The following ARID4A variants were observed in gnomAD, a reference collection of about 807,000 sequenced individuals.
ARID4A encodes AT-rich interactive domain-containing protein 4A.
In ARID4A, 39 loss-of-function variants were observed where a neutral mutation model predicts 148.6. The ratio of observed to expected loss-of-function variants is 0.26; its 90% CI spans 0.20 to 0.34. ARID4A has a LOEUF of 0.34. Ranked by LOEUF, ARID4A falls within the 10% of genes least tolerant of loss-of-function variation. ARID4A has a pLI of 1.00. For synonymous variants in ARID4A, 475 were observed against 481.2 expected (o/e 0.99, Z 0.17); for missense variants, 1,265 against 1,449.1 (o/e 0.87, Z 2.06).
chr14:58,320,436 T>C (rs1189554319), intron 7 of ARID4A, among the ~76,000 whole-genome samples: 1 of 152,114 alleles, frequency 6.6e-6, no homozygotes, highest in Non-Finnish European at 1.5e-5. Flanking sequence ...TGGTTAATAT[T>C]TCAAACTTTG....
intron 23 of ARID4A, chr14:58,370,171 C>T (rs894732947): frequency 5.3e-5 from 8 of 152,316 alleles, no homozygotes; most frequent in Middle Eastern, 6.8e-3. Context: ...AGCAAGAAGT[C>T]TTTACAGAAC....
intron 11 of ARID4A, among the ~76,000 whole-genome samples, chr14:58,340,852 A>G (rs1024287531): frequency 1.3e-5 from 2 of 152,210 alleles, no homozygotes; most frequent in African/African-American, 4.8e-5. Flanking sequence ...TTGCATTTAT[A>G]TTATCATAAA....
intron 5 of ARID4A, among the ~76,000 whole-genome samples, chr14:58,314,638 A>T (rs2032284349): frequency 6.6e-6 from 1 of 151,940 alleles, no homozygotes; most frequent in Non-Finnish European, 1.5e-5. Context: ...TGTGTTAGCC[A>T]GGCTGGTCTC....
intron 11 of ARID4A, among the ~76,000 whole-genome samples, chr14:58,340,287 G>A (rs890302923): frequency 9.9e-5 from 15 of 151,110 alleles, no homozygotes; most frequent in African/African-American, 3.4e-4. Context: ...GTGCAGTGGC[G>A]CAGTCTCAGC....
At chr14:58,343,840 A>G (rs2034228579) in intron 11 of ARID4A, among the ~76,000 whole-genome samples, 1 of 152,154 alleles carries the variant, frequency 6.6e-6, no homozygotes. Context: ...CAAAAAAAAA[A>G]AAGACAAAAA....
At chr14:58,304,568 A>G (rs574418336) in intron 3 of ARID4A, among the ~76,000 whole-genome samples, 2 of 152,332 alleles carry the variant, frequency 1.3e-5, no homozygotes, top group African/African-American at 4.8e-5. Flanking sequence ...CATATAGGCA[A>G]TACAGTTTGA....
intron 1 of ARID4A, 32 bp from the exon 2 acceptor site, chr14:58,299,766 A>T (rs759612622): frequency 1.3e-6 from 2 of 1,581,002 alleles, no homozygotes; most frequent in African/African-American, 2.7e-5. Flanking sequence ...TTGACTGATT[A>T]TGTCTGTGCC....
chr14:58,320,102 C>T (rs1207449724), intron 7 of ARID4A, among the ~76,000 whole-genome samples: 4 of 151,712 alleles, frequency 2.6e-5, no homozygotes, highest in Non-Finnish European at 5.9e-5. Context: ...CGCGTGCCAC[C>T]ACGCCCAGCT....
At chr14:58,299,645 G>A (rs1322583048) in intron 1 of ARID4A, 153 bp from the exon 2 acceptor site, 2 of 636,456 alleles carry the variant, frequency 3.1e-6, no homozygotes, top group Non-Finnish European at 5.5e-6. Context: ...TGCCCCCTCA[G>A]CTCCTGCGTC....
intron 17 of ARID4A, among the ~76,000 whole-genome samples, chr14:58,357,588 A>G (rs2034937444): frequency 6.7e-6 from 1 of 149,138 alleles, no homozygotes; most frequent in African/African-American, 2.5e-5. Context: ...TTCTTAAAAC[A>G]TGAGTTTTTT....
intron 15 of ARID4A, 102 bp from the exon 16 acceptor site, chr14:58,350,971 A>G: frequency 1.6e-6 from 2 of 1,253,356 alleles, no homozygotes; most frequent in Non-Finnish European, 2.2e-6. Context: ...CCACGTTTCA[A>G]GCCAGAGACA....
intron 10 of ARID4A, 27 bp from the exon 11 acceptor site, chr14:58,329,976 A>G (rs2033429907): frequency 6.3e-7 from 1 of 1,582,394 alleles, no homozygotes; most frequent in Non-Finnish European, 8.6e-7. Flanking sequence ...TTCCATAGCA[A>G]CTGCTGAAGT....
At chr14:58,371,232 A>G (rs1308477000) in intron 23 of ARID4A, among the ~76,000 whole-genome samples, 1 of 152,208 alleles carries the variant, frequency 6.6e-6, no homozygotes, top group Non-Finnish European at 1.5e-5. Context: ...ACTTGAATAA[A>G]CAAAAATTAA....
intron 3 of ARID4A, chr14:58,303,609 T>C (rs1005583126): frequency 4.4e-6 from 2 of 459,470 alleles, no homozygotes; most frequent in Non-Finnish European, 9.2e-6. Flanking sequence ...GCCTGATACA[T>C]AGTGGACCCT....
At chr14:58,315,054 G>A (rs1359848050) in intron 5 of ARID4A, among the ~76,000 whole-genome samples, 1 of 152,170 alleles carries the variant, frequency 6.6e-6, no homozygotes, top group Non-Finnish European at 1.5e-5. Context: ...GGGAGGCCGA[G>A]GTTGCAGTGA....
At chr14:58,319,930 T>C (rs1239341106) in intron 7 of ARID4A, among the ~76,000 whole-genome samples, 3 of 150,324 alleles carry the variant, frequency 2.0e-5, no homozygotes, top group Admixed American at 6.6e-5. Flanking sequence ...TCTATATATA[T>C]ACTAATTTTT....
chr14:58,313,421 C>T (rs1422034129), intron 5 of ARID4A, among the ~76,000 whole-genome samples: 1 of 152,170 alleles, frequency 6.6e-6, no homozygotes, highest in Non-Finnish European at 1.5e-5. Context: ...ATTTGCGCTC[C>T]TATGAGAATC....
chr14:58,357,402 G>A (rs1231243771), intron 17 of ARID4A, among the ~76,000 whole-genome samples: 1 of 152,150 alleles, frequency 6.6e-6, no homozygotes, highest in Non-Finnish European at 1.5e-5. Context: ...AAGGAACCAT[G>A]TCCTTACTTT....
intron 11 of ARID4A, among the ~76,000 whole-genome samples, chr14:58,341,372 C>G (rs987082273): frequency 6.6e-6 from 1 of 152,220 alleles, no homozygotes; most frequent in African/African-American, 2.4e-5. Flanking sequence ...TTCATGCTTA[C>G]GCTGTTTGCC....
Sources: allele counts gnomAD v4.1 joint callset (sites outside exome capture counted in the v4.1 genomes callset), GRCh38; gene constraint gnomAD v4.1.1; transcripts MANE v1.5; gene names NCBI Gene and HGNC (gene_info 2026-07-23, HGNC 2026-07-21).